Variants in STAM2 observed in about 807,000 individuals in gnomAD.
STAM2 encodes signal transducing adaptor molecule 2.
A neutral mutation model predicts 65.6 loss-of-function variants in STAM2; 51 were observed. The observed-to-expected ratio is 0.78, with a 90% CI of 0.62 to 0.98. The LOEUF is 0.98. Ranked by LOEUF, STAM2 falls within the 50% of genes least tolerant of loss-of-function variation. The pLI is 0.00. For missense variants in STAM2, 584 were observed against 617.8 expected, an observed-to-expected ratio of 0.95 and a Z score of 0.58; for synonymous variants, 198 against 208.4, an observed-to-expected ratio of 0.95 and a Z score of 0.43.
intron 6 of STAM2, 32 bp from the exon 7 acceptor site, chr2:152,144,045 G>A: frequency 1.9e-6 from 3 of 1,553,016 alleles, no homozygotes; most frequent in South Asian, 1.2e-5. Flanking sequence ...CAAAGAAACT[G>A]GAATTAATTT....
chr2:152,146,575 G>A (rs1689340926), intron 5 of STAM2, among the ~76,000 whole-genome samples: 1 of 152,090 alleles, frequency 6.6e-6, no homozygotes, highest in Non-Finnish European at 1.5e-5. Context: ...ATTCACTCTA[G>A]GCATATTCAC....
chr2:152,173,389 T>C (rs1689937094), intron 1 of STAM2, among the ~76,000 whole-genome samples: 1 of 147,512 alleles, frequency 6.8e-6, no homozygotes, highest in Non-Finnish European at 1.5e-5. Flanking sequence ...TATATATATG[T>C]ATACATATAT....
chr2:152,173,125 T>C (rs372741692), intron 1 of STAM2, among the ~76,000 whole-genome samples: 12 of 151,556 alleles, frequency 7.9e-5, no homozygotes, highest in East Asian at 3.9e-4. Context: ...TTTACTCATT[T>C]TGTGTCCATA....
chr2:152,143,990 G>A lies in STAM2; in HGVS notation c.541C>T (p.Gln181Ter), dbSNP rs756867681. 2.5e-6 allele frequency: 4 copies of A among 1,610,532 alleles called. No individual in the cohort carries two copies. The change falls in exon 7 of 14, where the codon CAG becomes TAG. Residue 181 changes from glutamine to a stop codon, truncating the protein, a stop_gained. Coordinates refer to ENST00000263904, the MANE Select transcript of STAM2 (RefSeq NM_005843.6). LOFTEE classifies it high-confidence loss of function. ...AKAIELSLQE[Q>*]KQQHTETKSL... ...TTTGTTTCTGTGTGTTGCTGTTTCTGTTCTTGCAGCGATAATTCAATAGCT... is the reference window on the plus strand; with the variant it reads ...TTTGTTTCTGTGTGTTGCTGTTTCTATTCTTGCAGCGATAATTCAATAGCT...
chr2:152,175,757 T>G lies in STAM2; in HGVS notation c.-115A>C. 6 of 1,127,122 alleles carry G rather than the reference T, an allele frequency of 5.3e-6. 1 individual carries two copies. In the East Asian group the frequency reaches 1.5e-4, roughly 29 times the overall value. The allele number at this position is 1,127,122 out of a possible 1,614,324, so 69.8% of individuals were successfully genotyped here. ...ACCGCTCCGCTTCGGCCTCCGTCCC[T>G]GCACTTCCGCCACCGCACCTGCCCG... is the stretch of plus-strand genomic sequence containing the variant. On this transcript the variant is annotated 5_prime_UTR_variant, in exon 1 of 14. Transcript: ENST00000263904.
chr2:152,147,955 ATATAGT>A, intron 4 of STAM2, 63 bp downstream of exon 4: 3 of 1,125,782 alleles, frequency 2.7e-6, no homozygotes, highest in Non-Finnish European at 3.9e-6. Context: ...GTAATGCCAC[ATATAGT>A]TATAATGACA....
At chr2:152,136,112 G>C (rs892296788) in intron 7 of STAM2, among the ~76,000 whole-genome samples, 1 of 145,938 alleles carries the variant, frequency 6.9e-6, no homozygotes, top group African/African-American at 2.5e-5. Flanking sequence ...AAAAAAATTA[G>C]AACCAATTAG....
chr2:152,129,932 A>T (rs1435425665), intron 11 of STAM2, among the ~76,000 whole-genome samples: 1 of 152,238 alleles, frequency 6.6e-6, no homozygotes, highest in African/African-American at 2.4e-5. Context: ...TGGAACAAAG[A>T]CGACAATCTC....
chr2:152,134,528 T>G (rs145009823), intron 8 of STAM2, among the ~76,000 whole-genome samples: 15 of 152,330 alleles, frequency 9.8e-5, no homozygotes, highest in African/African-American at 3.4e-4. Flanking sequence ...ACAAAGACGA[T>G]GTTACACATG....
At chr2:152,150,018 G>T in intron 2 of STAM2, 127 bp downstream of exon 2, 1 of 666,666 alleles carries the variant, frequency 1.5e-6, no homozygotes, top group Non-Finnish European at 2.6e-6. Context: ...AACCCTCGCA[G>T]TTTAAATCTG....
intron 11 of STAM2, among the ~76,000 whole-genome samples, chr2:152,127,961 C>T (rs774427825): frequency 3.3e-5 from 5 of 152,140 alleles, no homozygotes; most frequent in Non-Finnish European, 7.4e-5. Flanking sequence ...GGCACACAGA[C>T]AGACACAGGA....
At chr2:152,128,300 G>A (rs1286917696) in intron 11 of STAM2, among the ~76,000 whole-genome samples, 3 of 151,970 alleles carry the variant, frequency 2.0e-5, no homozygotes, top group Non-Finnish European at 2.9e-5. Flanking sequence ...CCAGCTACAC[G>A]GGAGGCTGAG....
chr2:152,156,229 T>A (rs975022267), intron 1 of STAM2, among the ~76,000 whole-genome samples: 7 of 152,216 alleles, frequency 4.6e-5, no homozygotes, highest in Non-Finnish European at 8.8e-5. Context: ...GAATACTCTA[T>A]CAAGCATAGT....
chr2:152,120,918 G>T, intron 13 of STAM2, 116 bp from the exon 14 acceptor site: 1 of 706,718 alleles, frequency 1.4e-6, no homozygotes, highest in Non-Finnish European at 2.4e-6. Context: ...ACGTAGCTCT[G>T]CTGTTCTGAT....
intron 1 of STAM2, among the ~76,000 whole-genome samples, chr2:152,169,845 C>T (rs1328408718): frequency 1.3e-5 from 2 of 150,426 alleles, no homozygotes; most frequent in Non-Finnish European, 2.9e-5. Flanking sequence ...GGCAACTTTG[C>T]AAGAGCTACA....
intron 1 of STAM2, among the ~76,000 whole-genome samples, chr2:152,160,973 G>A (rs1467605733): frequency 2.0e-5 from 3 of 152,012 alleles, no homozygotes; most frequent in African/African-American, 4.8e-5. Flanking sequence ...CCCTCTGCCC[G>A]GCCACCACCC....
In STAM2 at chr2:152,148,129, A is replaced by G. The variant is rs1403719733; in HGVS notation, c.202-7T>C. On this transcript the variant is annotated splice_region_variant and splice_polypyrimidine_tract_variant and intron_variant, in intron 3 of 13. Transcript: ENST00000263904. ...CCACACAAGCCCCAAGAAGCTATTAATTGAAATAAAAATATATGAATATTG... is the reference window on the plus strand; with the variant it reads ...CCACACAAGCCCCAAGAAGCTATTAGTTGAAATAAAAATATATGAATATTG... 1 of 1,598,034 alleles carries G rather than the reference A, an allele frequency of 6.3e-7. No individual in the cohort carries two copies. Among genetic ancestry groups the G allele is most frequent in the East Asian group, 2.2e-5 (1 of 44,640 alleles).
At chr2:152,124,497 C>T (rs1198170175) in intron 12 of STAM2, 2 of 152,328 alleles carry the variant, frequency 1.3e-5, no homozygotes, top group Non-Finnish European at 2.9e-5. Flanking sequence ...GGGCAAAAGA[C>T]ATGTATCCTC....
rs961264603 is a variant in STAM2 at position 152,133,193 on chromosome 2, T to C, written c.950A>G (p.Gln317Arg). The C allele has an allele frequency of 1.9e-6, 3 of 1,595,996 alleles. No individual in the cohort carries two copies. The highest frequency in any genetic ancestry group is 1.1e-5 in the South Asian group (1 of 87,840). The part of the protein sequence containing the change: ...IDPTDSKPDS[Q>R]DLLDLEDICQ... Reference sequence around the variant, plus strand: ...AGTACCTTCTAAATCCAAAAGGTCTTGGGAGTCTGGTTTTGAATCTGTTGG... The same window carrying C: ...AGTACCTTCTAAATCCAAAAGGTCTCGGGAGTCTGGTTTTGAATCTGTTGG... Residue 317 changes from glutamine (Q) to arginine (R), a missense_variant, in exon 10 of 14, where the codon CAA becomes CGA. Physicochemically the swap from Gln to Arg is conservative, Grantham distance 43 (BLOSUM62 1). Coordinates refer to ENST00000263904, the MANE Select transcript of STAM2 (RefSeq NM_005843.6).
Sources: gnomAD v4.1 joint callset for allele counts (sites outside exome capture counted in the v4.1 genomes callset) on GRCh38, gnomAD v4.1.1 for gene constraint, MANE v1.5 for transcripts, NCBI Gene and HGNC (gene_info 2026-07-23, HGNC 2026-07-21) for gene names.